GSG1L: variants seen among roughly 807,000 people sequenced by gnomAD.
GSG1L encodes the protein GSG1 like, also known as germ cell-specific gene 1-like protein.
Under a neutral mutation model 42.1 loss-of-function variants are expected in GSG1L, and 24 were observed. The observed-to-expected ratio is 0.57, with a 90% confidence interval of 0.41 to 0.80. GSG1L has a LOEUF of 0.80. Ranked by LOEUF, GSG1L falls within the 30% of genes least tolerant of loss-of-function variation. The pLI is 0.00. For synonymous variants in GSG1L, 215 were observed against 203.5 expected (o/e 1.06, Z -0.48); for missense variants, 445 against 472.2 (o/e 0.94, Z 0.53).
At chr16:27,846,291 T>C (rs903116548) in intron 3 of GSG1L, among the ~76,000 whole-genome samples, 2 of 152,172 alleles carry the variant, frequency 1.3e-5, no homozygotes, top group Non-Finnish European at 2.9e-5. Context: ...GCTGAGTCTC[T>C]CTGGAATTGT....
intron 4 of GSG1L, among the ~76,000 whole-genome samples, chr16:27,843,193 C>T (rs2083406203): frequency 6.6e-6 from 1 of 152,176 alleles, no homozygotes; most frequent in Admixed American, 6.5e-5. Context: ...GACCTGGATA[C>T]CCTGTGTAGT....
chr16:27,855,113 G>A (rs1008191107), intron 3 of GSG1L, among the ~76,000 whole-genome samples: 7 of 152,066 alleles, frequency 4.6e-5, no homozygotes, highest in African/African-American at 1.2e-4. Context: ...CAGGGTGCTC[G>A]ACCGTGATGG....
intron 3 of GSG1L, among the ~76,000 whole-genome samples, chr16:27,868,165 C>G (rs2083756446): frequency 6.6e-6 from 1 of 152,222 alleles, no homozygotes; most frequent in Admixed American, 6.5e-5. Flanking sequence ...AGGCTTCTAG[C>G]AACATGCAAA....
intron 1 of GSG1L, among the ~76,000 whole-genome samples, chr16:28,030,431 A>C (rs2085944763): frequency 6.6e-6 from 1 of 152,122 alleles, no homozygotes; most frequent in African/African-American, 2.4e-5. Flanking sequence ...ACTGCCAGAG[A>C]GTGAAACCAA....
At chr16:28,056,565 A>C (rs555382760) in intron 1 of GSG1L, among the ~76,000 whole-genome samples, 17 of 151,834 alleles carry the variant, frequency 1.1e-4, no homozygotes, top group Non-Finnish European at 1.6e-4. Flanking sequence ...ACATGTATAC[A>C]TATGTAACAA....
chr16:27,918,736 A>G (rs1305309236), intron 2 of GSG1L, among the ~76,000 whole-genome samples: 2 of 152,190 alleles, frequency 1.3e-5, no homozygotes, highest in African/African-American at 2.4e-5. Context: ...CGAAGATCCA[A>G]CAAGAAAATG....
At chr16:27,793,191 T>A in intron 6 of GSG1L, among the ~76,000 whole-genome samples, 1 of 152,204 alleles carries the variant, frequency 6.6e-6, no homozygotes, top group East Asian at 1.9e-4. Flanking sequence ...GCTCTCATTA[T>A]CAGGAGAGTC....
intron 2 of GSG1L, among the ~76,000 whole-genome samples, chr16:27,946,621 G>GAGAGAGAA (rs1567529995): frequency 1.0e-4 from 5 of 48,214 alleles, no homozygotes; most frequent in African/African-American, 3.7e-4. Flanking sequence ...GAGAGAGAGA[G>GAGAGAGAA]AGAGAGAGAG....
intron 1 of GSG1L, among the ~76,000 whole-genome samples, chr16:28,060,381 C>T (rs546220155): frequency 8.5e-5 from 13 of 152,128 alleles, no homozygotes; most frequent in Admixed American, 2.6e-4. Context: ...CCCCAGCTGG[C>T]TCCGATTCCC....
chr16:27,849,307 T>G lies in GSG1L; in HGVS notation c.551-4246A>C, dbSNP rs149484086. Among the ~76,000 whole-genome samples, 3 of 151,080 alleles carry G rather than the reference T, an allele frequency of 2.0e-5. No homozygotes were observed. The East Asian group carries it at 5.8e-4, about 29-fold the overall frequency. ...CCATGCAGGGCCCTGGAGCCCACAG[T>G]GCAGTTTGGCTCTCACCCTATGCAG... On this transcript the variant is annotated intron_variant, in intron 3 of 6. Transcript: ENST00000447459.
intron 2 of GSG1L, among the ~76,000 whole-genome samples, chr16:27,942,293 G>T (rs1289179790): frequency 6.6e-6 from 1 of 152,304 alleles, no homozygotes; most frequent in African/African-American, 2.4e-5. Context: ...GGGACTACAG[G>T]TGCTGGCCAC....
intron 2 of GSG1L, among the ~76,000 whole-genome samples, chr16:27,929,201 T>A (rs2084630001): frequency 6.6e-6 from 1 of 152,134 alleles, no homozygotes; most frequent in Non-Finnish European, 1.5e-5. Flanking sequence ...GACGGTGACA[T>A]CATAGTGTGT....
chr16:28,008,500 A>G (rs1346248996), intron 1 of GSG1L, among the ~76,000 whole-genome samples: 1 of 152,190 alleles, frequency 6.6e-6, no homozygotes, highest in Non-Finnish European at 1.5e-5. Flanking sequence ...CTCCATCATC[A>G]GCCACTGCTG....
At chr16:27,929,954 G>A (rs1229627665) in intron 2 of GSG1L, among the ~76,000 whole-genome samples, 1 of 152,068 alleles carries the variant, frequency 6.6e-6, no homozygotes, top group Non-Finnish European at 1.5e-5. Flanking sequence ...AACAGGCCAT[G>A]TGCAATAGCC....
chr16:27,797,829 A>C (rs1208157014), intron 6 of GSG1L, among the ~76,000 whole-genome samples: 1 of 151,388 alleles, frequency 6.6e-6, no homozygotes, highest in Admixed American at 6.6e-5. Context: ...CTCAAAAAAA[A>C]AAAAAAAAAA....
At position 27,888,927 on chromosome 16, in the gene GSG1L, GATAGATATAGATATAGAT is replaced by G. The variant is rs55977600; in HGVS notation, c.398-4307_398-4290del. The stretch of plus-strand genomic sequence containing the variant: ...GCTGCACCCAGCTGGCTTGTGCTTA[GATAGATATAGATATAGAT>G]ATAGATATAGATATAGATATAGATA... On this transcript the variant is annotated intron_variant, in intron 2 of 6. Transcript: ENST00000447459. 8.2e-4 allele frequency among the ~76,000 whole-genome samples: 117 copies of G among 142,200 alleles called. 1 individual carries two copies. Among genetic ancestry groups the G allele is most frequent in the Non-Finnish European group, 4.5e-4 (30 of 66,070 alleles). The allele number at this position is 142,200 out of a possible 152,430, so 93.3% of individuals were successfully genotyped here. A position where few individuals can be genotyped will look rare whatever the true frequency, so the allele number is the denominator to read the frequency against.
chr16:27,895,420 G>T (rs185497696), intron 2 of GSG1L, among the ~76,000 whole-genome samples: 44 of 152,146 alleles, frequency 2.9e-4, no homozygotes, highest in Admixed American at 2.2e-3. Context: ...CCTATACGAC[G>T]AAATCAGTCA....
At chr16:28,029,507 G>A (rs2085933037) in intron 1 of GSG1L, among the ~76,000 whole-genome samples, 1 of 151,804 alleles carries the variant, frequency 6.6e-6, no homozygotes, top group Non-Finnish European at 1.5e-5. Flanking sequence ...ATGGCTGAAT[G>A]TGTAGATATA....
intron 2 of GSG1L, among the ~76,000 whole-genome samples, chr16:27,914,528 C>CTTTT (rs1230090041): frequency 5.8e-5 from 8 of 138,546 alleles, no homozygotes; most frequent in African/African-American, 2.4e-4. Flanking sequence ...CTTTTCTTTT[C>CTTTT]TATTTTTTTT....
Sources: allele counts gnomAD v4.1 joint callset (sites outside exome capture counted in the v4.1 genomes callset), GRCh38; gene constraint gnomAD v4.1.1; transcripts MANE v1.5; gene names NCBI Gene and HGNC (gene_info 2026-07-23, HGNC 2026-07-21).